The following RPL15 variants were observed in gnomAD, a reference collection of about 807,000 sequenced individuals.
RPL15 encodes the protein large ribosomal subunit protein eL15.
For synonymous variants in RPL15, 97 were observed against 95.1 expected, an observed-to-expected ratio of 1.02 and a Z score of -0.12; for missense variants, 161 against 271.8, an observed-to-expected ratio of 0.59 and a Z score of 2.87.
intron 1 of RPL15, 135 bp from the exon 2 acceptor site, chr3:23,917,715 T>G: frequency 1.2e-6 from 1 of 858,028 alleles, no homozygotes. Context: ...GGGCTAGCTG[T>G]CCCCGGCAGT....
Position 23,920,309 on chromosome 3 carries a change from C to G in RPL15, c.*808C>G, listed in dbSNP as rs1204513675. Reference sequence around the variant, plus strand: ...ATAAGTACGTCATTCTTAGTCCAGTCAGTCTTAAAAACATCTTGGGTTACC... The same window carrying G: ...ATAAGTACGTCATTCTTAGTCCAGTGAGTCTTAAAAACATCTTGGGTTACC... On this transcript the variant is annotated 3_prime_UTR_variant, in exon 4 of 4. Transcript: ENST00000307839. The G allele has an allele frequency of 1.0e-6, 1 of 985,756 alleles. No individual in the cohort carries two copies. The highest frequency in any genetic ancestry group is 6.1e-5 in the Admixed American group (1 of 16,278). 61.1% of individuals were successfully genotyped at this position (985,756 alleles called of 1,614,324 possible).
In RPL15 at chr3:23,920,478, G is replaced by A. The variant is rs1221541327; in HGVS notation, c.*977G>A. 1 of 985,320 alleles carries A rather than the reference G, an allele frequency of 1.0e-6. No individual in the cohort carries two copies. The highest frequency in any genetic ancestry group is 1.7e-5 in the African/African-American group (1 of 57,344). 61.0% of individuals were successfully genotyped at this position (985,320 alleles called of 1,614,324 possible). On this transcript the variant is annotated 3_prime_UTR_variant, in exon 4 of 4. Coordinates refer to ENST00000307839, the MANE Select transcript of RPL15 (RefSeq NM_002948.5). ...TCCACAAAGTTGGACCATCACTTGT[G>A]CACCCACTTTGACTATGAGTATACC...
intron 2 of RPL15, 98 bp downstream of exon 2, chr3:23,918,129 C>G (rs1047654101): frequency 1.4e-6 from 2 of 1,427,916 alleles, no homozygotes; most frequent in African/African-American, 1.4e-5. Flanking sequence ...TGTCTTTCTT[C>G]GCATAGGGCT....
chr3:23,918,821 C>A, intron 3 of RPL15: 1 of 547,678 alleles, frequency 1.8e-6, no homozygotes, highest in South Asian at 2.6e-5. Flanking sequence ...GCAGAAGAGA[C>A]CAAATGTGGC....
Position 23,919,714 on chromosome 3 carries a change from T to C in RPL15, c.*213T>C. The C allele has an allele frequency of 7.3e-7, 1 of 1,369,578 alleles. No homozygotes were observed. The highest frequency in any genetic ancestry group is 9.4e-7 in the Non-Finnish European group (1 of 1,065,704). 84.8% of individuals were successfully genotyped at this position (1,369,578 alleles called of 1,614,324 possible). On this transcript the variant is annotated 3_prime_UTR_variant, in exon 4 of 4. Coordinates refer to ENST00000307839, the MANE Select transcript of RPL15 (RefSeq NM_002948.5). ...AAACTTTTTTGTCTTTGCTTTATCTTATTAGGGAGTTGTATGTCAGTGTAT... is the reference window on the plus strand; with the variant it reads ...AAACTTTTTTGTCTTTGCTTTATCTCATTAGGGAGTTGTATGTCAGTGTAT...
upstream of RPL15, chr3:23,916,639 G>C (rs1704507670): frequency 6.6e-6 from 1 of 152,502 alleles, no homozygotes; most frequent in Admixed American, 6.5e-5. Flanking sequence ...GGGAGGCTGG[G>C]GAAGCGTCGG....
Position 23,920,157 on chromosome 3 carries a change from G to A in RPL15, c.*656G>A. 1.0e-6 allele frequency: 1 copy of A among 985,812 alleles called. No individual in the cohort carries two copies. Among genetic ancestry groups the A allele is most frequent in the Non-Finnish European group, 1.2e-6 (1 of 829,884 alleles). 61.1% of individuals were successfully genotyped at this position (985,812 alleles called of 1,614,324 possible). On this transcript the variant is annotated 3_prime_UTR_variant, in exon 4 of 4. Coordinates refer to ENST00000307839, the MANE Select transcript of RPL15 (RefSeq NM_002948.5). ...GAATGCTAGGGTGGGAAGCTGGTGA[G>A]CCAGTGGCCATTAGATAAATACCTT...
At position 23,920,162 on chromosome 3, in the gene RPL15, T is replaced by C; in HGVS notation, c.*661T>C. 1.0e-6 allele frequency: 1 copy of C among 985,852 alleles called. No individual in the cohort carries two copies. Among genetic ancestry groups the C allele is most frequent in the Non-Finnish European group, 1.2e-6 (1 of 829,924 alleles). The allele number at this position is 985,852 out of a possible 1,614,324, so 61.1% of individuals were successfully genotyped here. A position where few individuals can be genotyped will look rare whatever the true frequency, so the allele number is the denominator to read the frequency against. ...CTAGGGTGGGAAGCTGGTGAGCCAG[T>C]GGCCATTAGATAAATACCTTTCAAG... On this transcript the variant is annotated 3_prime_UTR_variant, in exon 4 of 4. Transcript: ENST00000307839.
chr3:23,920,713 G>C lies in RPL15; in HGVS notation c.*1212G>C. On this transcript the variant is annotated 3_prime_UTR_variant, in exon 4 of 4. Transcript: ENST00000307839. ...GACTCAGTTAATTGATTTCCAGGAAGTACTCATAGCAAGTTCATAAAAGTT... is the reference window on the plus strand; with the variant it reads ...GACTCAGTTAATTGATTTCCAGGAACTACTCATAGCAAGTTCATAAAAGTT... 2 of 984,598 alleles carry C rather than the reference G, an allele frequency of 2.0e-6. No individual in the cohort carries two copies. The highest frequency in any genetic ancestry group is 2.4e-6 in the Non-Finnish European group (2 of 829,246). The allele number at this position is 984,598 out of a possible 1,614,324, so 61.0% of individuals were successfully genotyped here. A position where few individuals can be genotyped will look rare whatever the true frequency, so the allele number is the denominator to read the frequency against.
chr3:23,921,797 A>T, downstream of RPL15: 1 of 564,388 alleles, frequency 1.8e-6, no homozygotes, highest in Non-Finnish European at 3.1e-6. Context: ...CTGGTCTCGA[A>T]CTCCTGACCT....
Position 23,919,295 on chromosome 3 carries a change from C to A in RPL15, c.409C>A (p.Pro137Thr). The change falls in exon 4 of 4, where the codon CCA becomes ACA. Residue 137 changes from proline (P) to threonine (T), a missense_variant. Transcript: ENST00000307839. ...YKFFEVILID[P>T]FHKAIRRNPD... Reference sequence around the variant, plus strand: ...ATTTTTTGAGGTTATCCTCATTGATCCATTCCATAAAGCTATCAGAAGAAA... The same window carrying A: ...ATTTTTTGAGGTTATCCTCATTGATACATTCCATAAAGCTATCAGAAGAAA... 1 of 1,607,298 alleles carries A rather than the reference C, an allele frequency of 6.2e-7. No homozygotes were observed. The highest frequency in any genetic ancestry group is 8.5e-7 in the Non-Finnish European group (1 of 1,178,352).
In RPL15 at chr3:23,919,206, G is replaced by C. The variant is rs2125255748; in HGVS notation, c.320G>C (p.Gly107Ala). Residue 107 changes from glycine to alanine, a missense_variant, in exon 4 of 4, where the codon GGA becomes GCA. Transcript: ENST00000307839. ...SLQSVAEERA[G>A]RHCGALRVLN... is the part of the protein sequence containing the mutation. ...TTTTTCCTATTCTAGGAGCGAGCTGGACGCCACTGTGGGGCTCTGAGAGTC... is the reference window on the plus strand; with the variant it reads ...TTTTTCCTATTCTAGGAGCGAGCTGCACGCCACTGTGGGGCTCTGAGAGTC... 1 of 1,613,662 alleles carries C rather than the reference G, an allele frequency of 6.2e-7. No homozygotes were observed. The highest frequency in any genetic ancestry group is 8.5e-7 in the Non-Finnish European group (1 of 1,179,592).
At position 23,918,892 on chromosome 3, in the gene RPL15, T is replaced by G. The variant is rs543462299; in HGVS notation, c.310-304T>G. ...AGCTAAACGTTGCTGAGCTCTCAGTTGTATGGAAAAAGATAAGGTCCCCAA... is the reference window on the plus strand; with the variant it reads ...AGCTAAACGTTGCTGAGCTCTCAGTGGTATGGAAAAAGATAAGGTCCCCAA... On this transcript the variant is annotated intron_variant, in intron 3 of 3. Coordinates refer to ENST00000307839, the MANE Select transcript of RPL15 (RefSeq NM_002948.5). 4.1e-4 allele frequency: 210 copies of G among 518,256 alleles called. 2 individuals carry two copies. The South Asian group carries it at 5.9e-3, about 14-fold the overall frequency. The allele number at this position is 518,256 out of a possible 1,614,324, so 32.1% of individuals were successfully genotyped here.
chr3:23,921,570 G>GTTTTTTTTTTTT, downstream of RPL15: 2 of 508,320 alleles, frequency 3.9e-6, no homozygotes, highest in Non-Finnish European at 7.0e-6. Flanking sequence ...TGATTATTGA[G>GTTTTTTTTTTTT]TTTTTTTTTT....
chr3:23,921,773 CTA>C, downstream of RPL15: 4 of 591,650 alleles, frequency 6.8e-6, no homozygotes, highest in Non-Finnish European at 1.2e-5. Flanking sequence ...CTGGGTTTCA[CTA>C]TGTTGGCCAG....
chr3:23,920,494 T>A lies in RPL15; in HGVS notation c.*993T>A, dbSNP rs913812729. The A allele has an allele frequency of 3.9e-5, 38 of 984,054 alleles. No homozygotes were observed. The highest frequency in any genetic ancestry group is 4.3e-5 in the Non-Finnish European group (36 of 828,796). The allele number at this position is 984,054 out of a possible 1,614,324, so 61.0% of individuals were successfully genotyped here. A position where few individuals can be genotyped will look rare whatever the true frequency, so the allele number is the denominator to read the frequency against. ...ATCACTTGTGCACCCACTTTGACTA[T>A]GAGTATACCACCACATTGCATTTCT... On this transcript the variant is annotated 3_prime_UTR_variant, in exon 4 of 4. Coordinates refer to ENST00000307839, the MANE Select transcript of RPL15 (RefSeq NM_002948.5).
chr3:23,918,361 A>G, intron 2 of RPL15, 79 bp from the exon 3 acceptor site: 1 of 1,473,966 alleles, frequency 6.8e-7, no homozygotes, highest in Admixed American at 2.4e-5. Flanking sequence ...TTTTTGGTGG[A>G]GTATTAGTGA....
In RPL15 at chr3:23,919,169, G is replaced by A. The variant is rs78134339; in HGVS notation, c.310-27G>A. The A allele has an allele frequency of 2.0e-4, 300 of 1,534,576 alleles. No individual in the cohort carries two copies. The East Asian group carries it at 4.2e-3, about 21-fold the overall frequency. On this transcript the variant is annotated intron_variant, in intron 3 of 3. Coordinates refer to ENST00000307839, the MANE Select transcript of RPL15 (RefSeq NM_002948.5). ...GCTGCTATAGGCAATGTGGGAGATT[G>A]ACCTTGGGCCTTTTTTCCTATTCTA...
chr3:23,920,568 A>G lies in RPL15; in HGVS notation c.*1067A>G, dbSNP rs1224882863. The G allele has an allele frequency of 2.1e-5, 21 of 985,358 alleles. No homozygotes were observed. Among genetic ancestry groups the G allele is most frequent in the Non-Finnish European group, 2.4e-5 (20 of 829,876 alleles). The allele number at this position is 985,358 out of a possible 1,614,324, so 61.0% of individuals were successfully genotyped here. A position where few individuals can be genotyped will look rare whatever the true frequency, so the allele number is the denominator to read the frequency against. On this transcript the variant is annotated 3_prime_UTR_variant, in exon 4 of 4. Transcript: ENST00000307839. ...ACTAGACTACTGTTGTCCAGGGTCAATTTGAGTGTAAAGAAAATGTAGACA... is the reference window on the plus strand; with the variant it reads ...ACTAGACTACTGTTGTCCAGGGTCAGTTTGAGTGTAAAGAAAATGTAGACA...
Sources: allele counts gnomAD v4.1 joint callset, GRCh38; gene constraint gnomAD v4.1.1; transcripts MANE v1.5; gene names NCBI Gene and HGNC (gene_info 2026-07-23, HGNC 2026-07-21).